The following PPIG variants were observed in gnomAD, a reference collection of about 807,000 sequenced individuals.
PPIG encodes the protein peptidyl-prolyl cis-trans isomerase G.
A neutral mutation model predicts 87.9 loss-of-function variants in PPIG; 26 were observed. That is an observed-to-expected ratio of 0.30 (90% CI 0.22 to 0.41). PPIG has a LOEUF of 0.41. Among genes scored for constraint, PPIG ranks in the 10% least tolerant of loss-of-function variants. The probability of loss-of-function intolerance (pLI) is 1.00; values close to 1 mark genes in which losing one functional copy is unlikely to be tolerated. For missense variants in PPIG, 722 were observed against 879.4 expected (o/e 0.82, Z 2.26); for synonymous variants, 308 against 276.5 (o/e 1.11, Z -1.13).
Position 169,639,105 on chromosome 2 carries a change from A to G in PPIG, c.*1582A>G, listed in dbSNP as rs1355999743. ...GTAGCTGTTGCAGAATGAATAGTGTAATGACCATAAGATTGCTTGGAAAAT... is the reference window on the plus strand; with the variant it reads ...GTAGCTGTTGCAGAATGAATAGTGTGATGACCATAAGATTGCTTGGAAAAT... On this transcript the variant is annotated 3_prime_UTR_variant, in exon 14 of 14. Transcript: ENST00000260970. 1 of 152,036 alleles carries G rather than the reference A, an allele frequency of 6.6e-6. No homozygotes were observed. Among genetic ancestry groups the G allele is most frequent in the Admixed American group, 6.6e-5 (1 of 15,250 alleles). 9.4% of individuals were successfully genotyped at this position (152,036 alleles called of 1,614,324 possible).
At chr2:169,587,141 T>C (rs536072955) in intron 1 of PPIG, among the ~76,000 whole-genome samples, 1 of 152,088 alleles carries the variant, frequency 6.6e-6, no homozygotes, top group Non-Finnish European at 1.5e-5. Flanking sequence ...CCATGTTGGC[T>C]ACGCTGGTCT....
rs1286846290 is a variant in PPIG at position 169,639,146 on chromosome 2, C to T, written c.*1623C>T. Reference sequence around the variant, plus strand: ...CTTGGAAAATTGTAATACAGATATCCACAATGAATTCTTTCCAAAATTTTT... The same window carrying T: ...CTTGGAAAATTGTAATACAGATATCTACAATGAATTCTTTCCAAAATTTTT... On this transcript the variant is annotated 3_prime_UTR_variant, in exon 14 of 14. Coordinates refer to ENST00000260970, the MANE Select transcript of PPIG (RefSeq NM_004792.3). The T allele has an allele frequency of 2.6e-5, 4 of 151,848 alleles. No individual in the cohort carries two copies. Among genetic ancestry groups the T allele is most frequent in the African/African-American group, 9.7e-5 (4 of 41,374 alleles). The allele number at this position is 151,848 out of a possible 1,614,324, so 9.4% of individuals were successfully genotyped here.
chr2:169,600,888 G>A (rs1685162325), intron 1 of PPIG, among the ~76,000 whole-genome samples: 1 of 151,910 alleles, frequency 6.6e-6, no homozygotes, highest in African/African-American at 2.4e-5. Context: ...TGAATTTTAA[G>A]TTGAAAAACT....
chr2:169,596,792 C>T (rs1056234135), intron 1 of PPIG, among the ~76,000 whole-genome samples: 15 of 151,876 alleles, frequency 9.9e-5, no homozygotes, highest in East Asian at 1.9e-4. Context: ...CTCTGCTTCC[C>T]GGGTTTAAGC....
intron 9 of PPIG, among the ~76,000 whole-genome samples, chr2:169,628,602 G>C (rs1685955948): frequency 1.3e-5 from 2 of 152,080 alleles, no homozygotes; most frequent in South Asian, 4.1e-4. Flanking sequence ...CTAGAGCCCA[G>C]GAGTTTGAGG....
intron 7 of PPIG, among the ~76,000 whole-genome samples, chr2:169,611,471 C>T (rs1248434518): frequency 2.0e-5 from 3 of 152,146 alleles, no homozygotes; most frequent in Non-Finnish European, 4.4e-5. Context: ...ATTTGGTTTG[C>T]TTCCTGTTTT....
chr2:169,596,630 G>A lies in PPIG; in HGVS notation c.-69-7012G>A, dbSNP rs568465716. ...AATTGAAGACTTGAAGGCTCCAGGA[G>A]TCACCTAATGCAGCAGTCCCCCAAC... On this transcript the variant is annotated intron_variant, in intron 1 of 13. Transcript: ENST00000260970. Among the ~76,000 whole-genome samples, 3 of 152,272 alleles carry A rather than the reference G, an allele frequency of 2.0e-5. No homozygotes were observed. In the East Asian group the frequency reaches 5.8e-4, roughly 29 times the overall value.
intron 12 of PPIG, among the ~76,000 whole-genome samples, chr2:169,634,530 T>C (rs967666885): frequency 2.0e-5 from 3 of 152,198 alleles, no homozygotes; most frequent in Middle Eastern, 3.2e-3. Flanking sequence ...ACCTCAAACT[T>C]GGCTTTTACA....
At chr2:169,588,778 T>C (rs1282313110) in intron 1 of PPIG, among the ~76,000 whole-genome samples, 1 of 151,890 alleles carries the variant, frequency 6.6e-6, no homozygotes, top group African/African-American at 2.4e-5. Context: ...CTGAGGAACA[T>C]GAAGAAACCC....
At chr2:169,607,278 G>A in intron 6 of PPIG, 130 bp downstream of exon 6, 1 of 540,964 alleles carries the variant, frequency 1.8e-6, no homozygotes, top group Non-Finnish European at 3.1e-6. Flanking sequence ...TAATCTGAAG[G>A]TTAATTTTCT....
chr2:169,636,676 G>A lies in PPIG; in HGVS notation c.1418G>A (p.Arg473Lys), dbSNP rs766315044. 1.4e-5 allele frequency: 23 copies of A among 1,606,742 alleles called. No individual in the cohort carries two copies. The Admixed American group carries it at 3.9e-4, about 27-fold the overall frequency. Reference sequence around the variant, plus strand: ...AAAGAGAAATCAAAGAGTAAAGAAAGAGATTCAAAACATAATAGAAATGAA... The same window carrying A: ...AAAGAGAAATCAAAGAGTAAAGAAAAAGATTCAAAACATAATAGAAATGAA... ...KSKEKSKSKE[R>K]DSKHNRNEEK... The change falls in exon 14 of 14, where the codon AGA becomes AAA. Residue 473 changes from arginine to lysine, a missense_variant. By Grantham distance (26) the Arg-to-Lys change is conservative. This residue lies in a region of PPIG where 476 missense variants were observed against 483.1 expected (regional missense o/e 0.99). Transcript: ENST00000260970.
chr2:169,599,562 G>A (rs1449790986), intron 1 of PPIG, among the ~76,000 whole-genome samples: 1 of 152,050 alleles, frequency 6.6e-6, no homozygotes, highest in Non-Finnish European at 1.5e-5. Context: ...CAATGAATAT[G>A]AATATATTCA....
At chr2:169,626,352 G>T (rs1405958580) in intron 9 of PPIG, among the ~76,000 whole-genome samples, 4 of 151,938 alleles carry the variant, frequency 2.6e-5, no homozygotes, top group Non-Finnish European at 5.9e-5. Flanking sequence ...ATACAAAAAG[G>T]AACATAAATT....
At chr2:169,606,317 G>T (rs958386242) in intron 5 of PPIG, among the ~76,000 whole-genome samples, 171 bp downstream of exon 5, 1 of 151,702 alleles carries the variant, frequency 6.6e-6, no homozygotes, top group Non-Finnish European at 1.5e-5. Flanking sequence ...TCATAGGCTG[G>T]GTGCGGTGGC....
rs1324306240 is a variant in PPIG, at chr2:169,603,762, G to T, written c.-17+68G>T. 2.4e-5 allele frequency: 10 copies of T among 416,410 alleles called. No individual in the cohort carries two copies. The Admixed American group carries it at 2.7e-4, about 11-fold the overall frequency. 25.8% of individuals were successfully genotyped at this position (416,410 alleles called of 1,614,324 possible). A position where few individuals can be genotyped will look rare whatever the true frequency, so the allele number is the denominator to read the frequency against. On this transcript the variant is annotated intron_variant, in intron 2 of 13. Coordinates refer to ENST00000260970, the MANE Select transcript of PPIG (RefSeq NM_004792.3). ...AATTTTCTGTTTGAGCTATTAATCT[G>T]TATTCCGGTTGATAAATAGAAAGTT...
intron 1 of PPIG, among the ~76,000 whole-genome samples, chr2:169,592,461 C>T (rs1344334401): frequency 6.6e-6 from 1 of 151,908 alleles, no homozygotes; most frequent in African/African-American, 2.4e-5. Flanking sequence ...CCCACCACCA[C>T]GCCCAACTAA....
intron 1 of PPIG, among the ~76,000 whole-genome samples, chr2:169,592,127 G>C (rs1466008488): frequency 1.3e-5 from 2 of 149,792 alleles, no homozygotes; most frequent in African/African-American, 4.9e-5. Flanking sequence ...ATGGGGTCTT[G>C]CTGTTGCCCA....
intron 1 of PPIG, among the ~76,000 whole-genome samples, chr2:169,598,497 T>C (rs1202290484): frequency 6.6e-6 from 1 of 152,074 alleles, no homozygotes; most frequent in East Asian, 1.9e-4. Flanking sequence ...TTCACCGTGT[T>C]AGCCAGGATG....
chr2:169,606,577 G>GC (rs1685332222), intron 5 of PPIG, among the ~76,000 whole-genome samples: 1 of 81,620 alleles, frequency 1.2e-5, no homozygotes, highest in Admixed American at 1.9e-4. Flanking sequence ...GAATGACAGA[G>GC]CAAGACTCTG....
Sources: allele counts gnomAD v4.1 joint callset (sites outside exome capture counted in the v4.1 genomes callset), GRCh38; gene constraint gnomAD v4.1.1; regional missense constraint gnomAD v4.1.1; transcripts MANE v1.5; gene names NCBI Gene and HGNC (gene_info 2026-07-23, HGNC 2026-07-21).